The following ADAMTSL1 variants were observed in gnomAD, a reference collection of about 807,000 sequenced individuals.
ADAMTSL1 encodes ADAMTS-like protein 1.
ADAMTSL1 carries 126 observed loss-of-function variants against 201.8 expected under a neutral mutation model. The observed-to-expected ratio is 0.62, with a 90% CI of 0.54 to 0.72. The LOEUF is 0.72. ADAMTSL1 is among the 30% of genes least tolerant of loss of function. The probability of loss-of-function intolerance (pLI) is 0.00; values close to 1 mark genes in which losing one functional copy is unlikely to be tolerated. For missense variants in ADAMTSL1, 2,679 were observed against 2,277.8 expected (o/e 1.18, Z -3.59); for synonymous variants, 1,121 against 903.4 (o/e 1.24, Z -4.32).
At chr9:18,646,268 A>C (rs1448522168) in intron 7 of ADAMTSL1, among the ~76,000 whole-genome samples, 1 of 152,150 alleles carries the variant, frequency 6.6e-6, no homozygotes, top group East Asian at 1.9e-4. Flanking sequence ...GAAGTTGCTT[A>C]TCAGCTTAAG....
chr9:17,989,557 C>T (rs1819066322), intron 1 of ADAMTSL1, among the ~76,000 whole-genome samples: 1 of 151,914 alleles, frequency 6.6e-6, no homozygotes, highest in Non-Finnish European at 1.5e-5. Context: ...ATTTCAAAAG[C>T]AGAATTAAAA....
chr9:18,629,157 A>G (rs546085086), intron 5 of ADAMTSL1, among the ~76,000 whole-genome samples: 1 of 152,266 alleles, frequency 6.6e-6, no homozygotes, highest in South Asian at 2.1e-4. Flanking sequence ...TTTTTGGTAG[A>G]TGACTGGGAT....
intron 7 of ADAMTSL1, among the ~76,000 whole-genome samples, chr9:18,645,231 G>T (rs1376765817): frequency 6.6e-6 from 1 of 152,064 alleles, no homozygotes; most frequent in African/African-American, 2.4e-5. Context: ...TTTTTGATGG[G>T]GTTGTTTGTT....
chr9:18,350,423 G>C (rs976704761), intron 2 of ADAMTSL1, among the ~76,000 whole-genome samples: 2 of 152,104 alleles, frequency 1.3e-5, no homozygotes, highest in African/African-American at 4.8e-5. Context: ...ATGTGAAGCC[G>C]GTCCTTCCCT....
intron 12 of ADAMTSL1, among the ~76,000 whole-genome samples, 191 bp from the exon 13 acceptor site, chr9:18,684,525 G>C (rs1334791520): frequency 6.6e-6 from 1 of 152,086 alleles, no homozygotes; most frequent in Non-Finnish European, 1.5e-5. Context: ...ACACAAACTA[G>C]TATTATTAAA....
chr9:18,262,546 A>G (rs1831964223), intron 2 of ADAMTSL1, among the ~76,000 whole-genome samples: 1 of 152,192 alleles, frequency 6.6e-6, no homozygotes, highest in African/African-American at 2.4e-5. Flanking sequence ...GAGGGTGACA[A>G]TTTATATGAT....
chr9:18,598,442 T>G (rs988021552), intron 4 of ADAMTSL1, among the ~76,000 whole-genome samples: 11 of 152,296 alleles, frequency 7.2e-5, no homozygotes, highest in Admixed American at 2.6e-4. Context: ...TTTAAAGTAC[T>G]TTATTTGGAT....
intron 1 of ADAMTSL1, among the ~76,000 whole-genome samples, chr9:18,127,661 A>G (rs1825795051): frequency 1.3e-5 from 2 of 152,262 alleles, no homozygotes; most frequent in South Asian, 2.1e-4. Flanking sequence ...CATCTTGTCA[A>G]CCTTGTTTTA....
intron 1 of ADAMTSL1, among the ~76,000 whole-genome samples, chr9:18,162,792 A>ATAATT (rs1827453007): frequency 6.6e-6 from 1 of 151,992 alleles, no homozygotes; most frequent in Non-Finnish European, 1.5e-5. Context: ...AATGTGATAT[A>ATAATT]CCGTGTTCAT....
intron 1 of ADAMTSL1, among the ~76,000 whole-genome samples, chr9:18,138,555 C>A (rs914651485): frequency 3.9e-5 from 6 of 152,162 alleles, no homozygotes; most frequent in African/African-American, 1.4e-4. Context: ...GCTACTAGTG[C>A]TGGGCATTGT....
At chr9:17,919,602 T>C (rs1356279459) in intron 1 of ADAMTSL1, among the ~76,000 whole-genome samples, 1 of 152,130 alleles carries the variant, frequency 6.6e-6, no homozygotes, top group Non-Finnish European at 1.5e-5. Context: ...CTGATTTCAC[T>C]TAACATAATG....
At position 18,188,634 on chromosome 9, in the gene ADAMTSL1, T is replaced by C. The variant is rs1036488045; in HGVS notation, c.207+24653T>C. 2.0e-5 allele frequency among the ~76,000 whole-genome samples: 3 copies of C among 152,172 alleles called. No individual in the cohort carries two copies. In the South Asian group the frequency reaches 6.2e-4, roughly 31 times the overall value. ...CTGCGCCATTAGGTGGTGAGTTCTT[T>C]ATTGACAAAGCTACTTGAATGGATT... On this transcript the variant is annotated intron_variant, in intron 2 of 29. Coordinates refer to the ADAMTSL1 transcript ENST00000680146.
chr9:18,799,534 G>A (rs906334868), intron 20 of ADAMTSL1, among the ~76,000 whole-genome samples: 8 of 152,170 alleles, frequency 5.3e-5, no homozygotes, highest in Admixed American at 4.6e-4. Flanking sequence ...TGAGGTCATC[G>A]ACAAAAGGGA....
At chr9:18,156,573 GT>G in intron 1 of ADAMTSL1, among the ~76,000 whole-genome samples, 1 of 151,970 alleles carries the variant, frequency 6.6e-6, no homozygotes, top group African/African-American at 2.4e-5. Context: ...TCAACTCTCT[GT>G]TTTAATTCTT....
intron 2 of ADAMTSL1, among the ~76,000 whole-genome samples, chr9:18,506,933 A>G (rs1391851570): frequency 6.6e-6 from 1 of 152,168 alleles, no homozygotes; most frequent in African/African-American, 2.4e-5. Flanking sequence ...TTTCTTAAAA[A>G]CCAGTGCTTA....
At chr9:18,784,017 C>A (rs1408534437) in intron 19 of ADAMTSL1, among the ~76,000 whole-genome samples, 6 of 152,196 alleles carry the variant, frequency 3.9e-5, no homozygotes, top group African/African-American at 9.7e-5. Context: ...TATCATTTGA[C>A]ATCCAGTTAT....
At chr9:18,685,748 T>C (rs552882269) in intron 13 of ADAMTSL1, among the ~76,000 whole-genome samples, 43 of 152,284 alleles carry the variant, frequency 2.8e-4, no homozygotes, top group Non-Finnish European at 4.4e-4. Flanking sequence ...ATTCATTCTG[T>C]TTGAATCTAA....
Position 18,306,579 on chromosome 9 carries a change from A to G in ADAMTSL1, c.207+142598A>G, listed in dbSNP as rs184963850. On this transcript the variant is annotated intron_variant, in intron 2 of 29. Transcript: ENST00000680146. The stretch of plus-strand genomic sequence containing the variant: ...ATCAATAGCTTAATTGATGAAGCAG[A>G]AGAAAGGATATCAGAGATTGAAGAT... 4.6e-5 allele frequency among the ~76,000 whole-genome samples: 7 copies of G among 152,288 alleles called. No individual in the cohort carries two copies. The East Asian group carries it at 1.2e-3, about 25-fold the overall frequency.
intron 4 of ADAMTSL1, among the ~76,000 whole-genome samples, chr9:18,599,253 G>A (rs945051189): frequency 6.6e-6 from 1 of 152,224 alleles, no homozygotes; most frequent in Non-Finnish European, 1.5e-5. Context: ...ACAAGGATTT[G>A]CTTTGCTTGG....
Sources: allele counts gnomAD v4.1 joint callset (sites outside exome capture counted in the v4.1 genomes callset), GRCh38; gene constraint gnomAD v4.1.1; transcripts MANE v1.5; gene names NCBI Gene and HGNC (gene_info 2026-07-23, HGNC 2026-07-21).